The following MTSS1 variants were observed in gnomAD, a reference collection of about 807,000 sequenced individuals.
The protein encoded by MTSS1 is protein MTSS 1.
Under a neutral mutation model 79.0 loss-of-function variants are expected in MTSS1, and 18 were observed. The observed-to-expected ratio is 0.23, with a 90% CI of 0.16 to 0.34. The LOEUF is 0.34. Among genes scored for constraint, MTSS1 ranks in the 10% least tolerant of loss-of-function variants. The probability of loss-of-function intolerance (pLI) is 1.00; values close to 1 mark genes in which losing one functional copy is unlikely to be tolerated. For synonymous variants in MTSS1, 341 were observed against 368.6 expected (o/e 0.93, Z 0.86); for missense variants, 815 against 986.2 (o/e 0.83, Z 2.33).
At chr8:124,634,288 TGTTG>T in intron 3 of MTSS1, among the ~76,000 whole-genome samples, 1 of 150,428 alleles carries the variant, frequency 6.6e-6, no homozygotes, top group African/African-American at 2.5e-5. Context: ...TTTTTTTTGT[TGTTG>T]TTGTTGTTTT....
chr8:124,669,054 T>C (rs1382044021), intron 3 of MTSS1, among the ~76,000 whole-genome samples: 1 of 152,212 alleles, frequency 6.6e-6, no homozygotes, highest in Non-Finnish European at 1.5e-5. Flanking sequence ...CTTCATTTTG[T>C]TCCACTTGAG....
At chr8:124,698,963 C>T (rs56160818) in intron 3 of MTSS1, 31,341 of 152,260 alleles carry the variant, frequency 0.21, 3,491 homozygotes, top group Admixed American at 0.25. Flanking sequence ...AATAAACATA[C>T]TTTAAACATC....
intron 1 of MTSS1, among the ~76,000 whole-genome samples, chr8:124,725,052 C>G (rs1272582927): frequency 2.0e-5 from 3 of 152,212 alleles, no homozygotes; most frequent in African/African-American, 7.2e-5. Flanking sequence ...TAGCGACCAC[C>G]ACCACAGCAG....
intron 3 of MTSS1, among the ~76,000 whole-genome samples, chr8:124,697,253 TAA>T (rs10693846): frequency 3.4e-5 from 5 of 146,228 alleles, no homozygotes; most frequent in African/African-American, 1.0e-4. Flanking sequence ...TAGAGCAGCT[TAA>T]AAAAAAAAAA....
At chr8:124,692,978 A>T (rs1344690607) in intron 3 of MTSS1, among the ~76,000 whole-genome samples, 9 of 152,044 alleles carry the variant, frequency 5.9e-5, no homozygotes, top group Non-Finnish European at 1.3e-4. Context: ...AGCTAGGGGA[A>T]TCCTCTGACC....
At chr8:124,566,379 T>C (rs1437255192) in intron 8 of MTSS1, among the ~76,000 whole-genome samples, 4 of 152,234 alleles carry the variant, frequency 2.6e-5, no homozygotes, top group Admixed American at 6.5e-5. Flanking sequence ...TCTGGTCTAA[T>C]AAATATAATT....
intron 6 of MTSS1, among the ~76,000 whole-genome samples, chr8:124,575,054 G>A (rs118126092): frequency 0.017 from 2,517 of 152,090 alleles, 22 homozygotes; most frequent in Non-Finnish European, 0.023. Context: ...ATGAAACATG[G>A]GATATAAATA....
intron 3 of MTSS1, among the ~76,000 whole-genome samples, chr8:124,692,747 T>A (rs1036223071): frequency 6.6e-6 from 1 of 152,208 alleles, no homozygotes; most frequent in African/African-American, 2.4e-5. Flanking sequence ...CAAGACCCCA[T>A]CCCAACAGCC....
intron 3 of MTSS1, among the ~76,000 whole-genome samples, chr8:124,607,356 AACTAACTCGTAT>A (rs1224128778): frequency 6.6e-6 from 1 of 152,200 alleles, no homozygotes; most frequent in African/African-American, 2.4e-5. Context: ...GGGTCATTTA[AACTAACTCGTAT>A]ACTATCTTCT....
At chr8:124,706,558 C>T (rs544476670) in intron 1 of MTSS1, among the ~76,000 whole-genome samples, 1 of 152,332 alleles carries the variant, frequency 6.6e-6, no homozygotes, top group East Asian at 1.9e-4. Context: ...ATTTATTCCT[C>T]TAAGTGGCAA....
chr8:124,632,261 C>T (rs1167637690), intron 3 of MTSS1, among the ~76,000 whole-genome samples: 1 of 128,782 alleles, frequency 7.8e-6, no homozygotes, highest in South Asian at 2.4e-4. Context: ...GCCTAGGAAG[C>T]AGAGTGAGAC....
intron 7 of MTSS1, chr8:124,567,634 T>C (rs1224157930): frequency 3.6e-6 from 5 of 1,398,352 alleles, no homozygotes; most frequent in South Asian, 1.7e-5. Context: ...CCTTCTTTCT[T>C]GTGCTTTTCC....
intron 3 of MTSS1, among the ~76,000 whole-genome samples, chr8:124,625,679 C>A (rs771415070): frequency 6.6e-6 from 1 of 152,208 alleles, no homozygotes; most frequent in African/African-American, 2.4e-5. Flanking sequence ...ACAAAAACTG[C>A]AGCTTTGAGA....
intron 6 of MTSS1, among the ~76,000 whole-genome samples, chr8:124,584,069 G>A (rs1830463253): frequency 6.6e-6 from 1 of 152,164 alleles, no homozygotes; most frequent in Non-Finnish European, 1.5e-5. Context: ...TGAAAATTCA[G>A]GGTGGGGGGC....
At chr8:124,712,910 T>A (rs967282334) in intron 1 of MTSS1, among the ~76,000 whole-genome samples, 2 of 152,134 alleles carry the variant, frequency 1.3e-5, no homozygotes, top group Non-Finnish European at 2.9e-5. Context: ...AAGCTTTTCC[T>A]CCTCCCGCAT....
intron 3 of MTSS1, among the ~76,000 whole-genome samples, chr8:124,665,232 C>T (rs773249430): frequency 6.6e-6 from 1 of 152,196 alleles, no homozygotes; most frequent in Admixed American, 6.5e-5. Flanking sequence ...CTGCTGTGTC[C>T]AAGACATTTC....
chr8:124,722,616 T>C (rs1833116368), intron 1 of MTSS1, among the ~76,000 whole-genome samples: 1 of 152,214 alleles, frequency 6.6e-6, no homozygotes, highest in Non-Finnish European at 1.5e-5. Context: ...TTTCCTCTCC[T>C]GTTTGCTACT....
intron 7 of MTSS1, 51 bp from the exon 8 acceptor site, chr8:124,567,229 A>C: frequency 7.1e-7 from 1 of 1,406,444 alleles, no homozygotes; most frequent in Non-Finnish European, 1.0e-6. Context: ...GATTCCCTTC[A>C]TCGCTCTAGT....
At chr8:124,650,242 A>G (rs1053642908) in intron 3 of MTSS1, among the ~76,000 whole-genome samples, 7 of 151,986 alleles carry the variant, frequency 4.6e-5, no homozygotes, top group Non-Finnish European at 1.0e-4. Flanking sequence ...TGTTGGCCAG[A>G]TTGGTCTCGA....
Sources: gnomAD v4.1 joint callset for allele counts (sites outside exome capture counted in the v4.1 genomes callset) on GRCh38, gnomAD v4.1.1 for gene constraint, MANE v1.5 for transcripts, NCBI Gene and HGNC (gene_info 2026-07-23, HGNC 2026-07-21) for gene names.